The following TAMALIN variants were observed in gnomAD, a reference collection of about 807,000 sequenced individuals.
TAMALIN encodes the protein trafficking regulator and scaffold protein tamalin, also known as protein TAMALIN.
A neutral mutation model predicts 38.5 loss-of-function variants in TAMALIN; 9 were observed. The observed-to-expected ratio is 0.23, with a 90% CI of 0.14 to 0.41. The LOEUF (loss-of-function observed/expected upper bound fraction) is 0.41. Among genes scored for constraint, TAMALIN ranks in the 10% least tolerant of loss-of-function variants. The pLI, the probability that TAMALIN is intolerant of heterozygous loss-of-function variation, is 1.00. For synonymous variants in TAMALIN, 306 were observed against 256.5 expected (o/e 1.19, Z -1.85); for missense variants, 548 against 554.1 (o/e 0.99, Z 0.11).
At chr12:52,013,385 C>T (rs973820363) in intron 4 of TAMALIN, 2 of 339,712 alleles carry the variant, frequency 5.9e-6, no homozygotes, top group African/African-American at 4.1e-5. Flanking sequence ...CCGGACAGAA[C>T]TTCTTGAGGG....
At chr12:52,010,482 G>T in intron 2 of TAMALIN, 1 of 1,029,598 alleles carries the variant, frequency 9.7e-7, no homozygotes. Context: ...TGGCCTCTGG[G>T]GGTGGGGCCA....
chr12:52,013,917 C>T lies in TAMALIN; in HGVS notation c.589C>T (p.Leu197=). The T allele has an allele frequency of 6.2e-7, 1 of 1,614,170 alleles. No individual in the cohort carries two copies. The highest frequency in any genetic ancestry group is 8.5e-7 in the Non-Finnish European group (1 of 1,180,024). The change falls in exon 6 of 8, where the codon CTG becomes TTG. Residue 197 remains leucine, a synonymous_variant. Transcript: ENST00000293662. ...LYGTSIRKAE[L]EARLQYLKQT... is the part of the protein sequence containing the mutation. ...TGGGACATCAATTCGGAAGGCAGAACTGGAGGCTCGTCTGCAGTACCTGAA... is the reference window on the plus strand; with the variant it reads ...TGGGACATCAATTCGGAAGGCAGAATTGGAGGCTCGTCTGCAGTACCTGAA...
intron 1 of TAMALIN, chr12:52,008,817 G>A (rs1942454502): frequency 1.1e-6 from 1 of 945,262 alleles, no homozygotes; most frequent in Admixed American, 6.2e-5. Context: ...CCCTGCCTCA[G>A]CTTTGGGAGT....
At chr12:52,010,200 C>G (rs1387433662) in intron 2 of TAMALIN, among the ~76,000 whole-genome samples, 1 of 152,210 alleles carries the variant, frequency 6.6e-6, no homozygotes, top group African/African-American at 2.4e-5. Flanking sequence ...CAGGGCCTTT[C>G]CGAGGCTGAG....
rs1592274090 is a variant in TAMALIN, at chr12:52,014,164, C to T, written c.645C>T (p.Tyr215=). 6.2e-7 allele frequency: 1 copy of T among 1,604,518 alleles called. No homozygotes were observed. The highest frequency in any genetic ancestry group is 8.5e-7 in the Non-Finnish European group (1 of 1,175,332). Residue 215 remains tyrosine, a synonymous_variant, in exon 7 of 8, where the codon TAC becomes TAT. Coordinates refer to ENST00000293662, the MANE Select transcript of TAMALIN (RefSeq NM_181711.4). Reference sequence around the variant, plus strand: ...CCCTGTATGAGAAGTGGGGAGAGTACAGGTCCCTAATGGTGCAGGAGCAGC... The same window carrying T: ...CCCTGTATGAGAAGTGGGGAGAGTATAGGTCCCTAATGGTGCAGGAGCAGC... ...KQTLYEKWGE[Y]RSLMVQEQRL... is the part of the protein sequence containing the mutation.
Position 52,015,211 on chromosome 12 carries a change from G to A in TAMALIN, c.*12G>A. 1.3e-6 allele frequency: 2 copies of A among 1,577,320 alleles called. No homozygotes were observed. The highest frequency in any genetic ancestry group is 1.1e-5 in the South Asian group (1 of 89,434). On this transcript the variant is annotated 3_prime_UTR_variant, in exon 8 of 8. Coordinates refer to ENST00000293662, the MANE Select transcript of TAMALIN (RefSeq NM_181711.4). ...AGAGCCAGCTGTAGGGGCGGGGGCGGGCAGGGAGGTATTTATTTATTTATT... is the reference window on the plus strand; with the variant it reads ...AGAGCCAGCTGTAGGGGCGGGGGCGAGCAGGGAGGTATTTATTTATTTATT...
intron 1 of TAMALIN, chr12:52,008,272 G>GT: frequency 1.0e-6 from 1 of 985,356 alleles, no homozygotes; most frequent in Non-Finnish European, 1.2e-6. Context: ...GCCCTGGGCT[G>GT]TGCAGGCTCC....
Position 52,015,289 on chromosome 12 carries a change from G to A in TAMALIN, c.*90G>A, listed in dbSNP as rs1211189725. 4.3e-6 allele frequency: 6 copies of A among 1,400,770 alleles called. No homozygotes were observed. The highest frequency in any genetic ancestry group is 5.6e-6 in the Non-Finnish European group (6 of 1,069,312). The allele number at this position is 1,400,770 out of a possible 1,614,324, so 86.8% of individuals were successfully genotyped here. A position where few individuals can be genotyped will look rare whatever the true frequency, so the allele number is the denominator to read the frequency against. On this transcript the variant is annotated 3_prime_UTR_variant, in exon 8 of 8. Coordinates refer to ENST00000293662, the MANE Select transcript of TAMALIN (RefSeq NM_181711.4). ...AGGCCGAGCCAAGAGGACCCCAGGA[G>A]CCCAGAGCAGCGGGAGAGGGTCCTT...
rs1016896726 is a variant in TAMALIN, at chr12:52,015,028, T to TGGCGGGGGCGGA, written c.1028_1039dup (p.Gly343_Gly346dup). 14 of 1,293,758 alleles carry TGGCGGGGGCGGA rather than the reference T, an allele frequency of 1.1e-5. No individual in the cohort carries two copies. The highest frequency in any genetic ancestry group is 3.2e-5 in the African/African-American group (2 of 61,938). The allele number at this position is 1,293,758 out of a possible 1,614,324, so 80.1% of individuals were successfully genotyped here. On this transcript the variant is annotated inframe_insertion, in exon 8 of 8. Coordinates refer to ENST00000293662, the MANE Select transcript of TAMALIN (RefSeq NM_181711.4). The stretch of plus-strand genomic sequence containing the variant: ...GCGCCAGTGTGCGGTGCGCGGGCCC[T>TGGCGGGGGCGGA]GGCGGGGGCGGAGGCGGGGGCGCGC...
intron 2 of TAMALIN, among the ~76,000 whole-genome samples, chr12:52,010,150 G>A (rs1478186248): frequency 6.6e-6 from 1 of 152,206 alleles, no homozygotes; most frequent in African/African-American, 2.4e-5. Flanking sequence ...GCATTTGGGG[G>A]AATCTCTGGG....
chr12:52,013,558 T>G (rs1292770346), intron 4 of TAMALIN, 129 bp from the exon 5 acceptor site: 1 of 700,956 alleles, frequency 1.4e-6, no homozygotes, highest in Non-Finnish European at 2.6e-6. Flanking sequence ...CCATGAGGAG[T>G]TGGAGGAGGG....
chr12:52,012,932 C>A (rs547056843), intron 4 of TAMALIN, among the ~76,000 whole-genome samples: 2 of 152,324 alleles, frequency 1.3e-5, no homozygotes, highest in East Asian at 3.9e-4. Context: ...ATGCCTGGGG[C>A]CAGGGTCGGT....
Position 52,007,391 on chromosome 12 carries a change from G to A in TAMALIN, c.246+126G>A. 1 of 1,269,374 alleles carries A rather than the reference G, an allele frequency of 7.9e-7. No homozygotes were observed. The highest frequency in any genetic ancestry group is 9.9e-7 in the Non-Finnish European group (1 of 1,008,540). The allele number at this position is 1,269,374 out of a possible 1,614,324, so 78.6% of individuals were successfully genotyped here. A position where few individuals can be genotyped will look rare whatever the true frequency, so the allele number is the denominator to read the frequency against. The stretch of plus-strand genomic sequence containing the variant: ...CCCCACCTTCTTCCCCGGCCCGCTG[G>A]GTGCCTCGACTCCCCGCGTTCCCCG... On this transcript the variant is annotated intron_variant, in intron 1 of 7. Transcript: ENST00000293662. The surrounding 1 kb of genome is among the most constrained non-coding windows in gnomAD (Gnocchi z 6.7).
rs1354822243 is a variant in TAMALIN at position 52,007,090 on chromosome 12, G to A, written c.71G>A (p.Arg24Gln). Residue 24 changes from arginine (R) to glutamine (Q), a missense_variant, in exon 1 of 8, where the codon CGG becomes CAG. By Grantham distance (43) the Arg-to-Gln change is conservative. This residue lies in a region of TAMALIN where 128 missense variants were observed against 117.9 expected (regional missense o/e 1.09). Transcript: ENST00000293662. This position sits in a 1 kb window ranked among gnomAD's most constrained non-coding sequence, Gnocchi z 6.7. ...GCGGCCACCCCGGACCCCGCCGCCC[G>A]GACTCCCGACTCGGAAGTCGCGCCC... Reference protein sequence around the residue: ...EAAATPDPAARTPDSEVAPAA... With the variant: ...EAAATPDPAAQTPDSEVAPAA... 1 of 1,479,140 alleles carries A rather than the reference G, an allele frequency of 6.8e-7. No homozygotes were observed. 91.6% of individuals were successfully genotyped at this position (1,479,140 alleles called of 1,614,324 possible).
chr12:52,014,681 C>G lies in TAMALIN; in HGVS notation c.683-13C>G. On this transcript the variant is annotated splice_polypyrimidine_tract_variant and intron_variant, in intron 7 of 7. Transcript: ENST00000293662. Reference sequence around the variant, plus strand: ...GGCCTGACCCGCCCCCTACCTCTCCCGTCTCTGCGCAGGCCTGGTGGTGAA... The same window carrying G: ...GGCCTGACCCGCCCCCTACCTCTCCGGTCTCTGCGCAGGCCTGGTGGTGAA... 1 of 1,473,510 alleles carries G rather than the reference C, an allele frequency of 6.8e-7. No homozygotes were observed. The highest frequency in any genetic ancestry group is 8.9e-7 in the Non-Finnish European group (1 of 1,125,098). 91.3% of individuals were successfully genotyped at this position (1,473,510 alleles called of 1,614,324 possible). A position where few individuals can be genotyped will look rare whatever the true frequency, so the allele number is the denominator to read the frequency against.
chr12:52,008,818 C>T (rs892253837), intron 1 of TAMALIN: 7 of 936,148 alleles, frequency 7.5e-6, no homozygotes, highest in Non-Finnish European at 8.9e-6. Flanking sequence ...CCTGCCTCAG[C>T]TTTGGGAGTC....
Position 52,011,340 on chromosome 12 carries a change from T to G in TAMALIN, c.454+199T>G. ...TACTGTGTGATCTTGCACAGCCCCA[T>G]CTACAAAATGAGGGTAATAATGCAT... On this transcript the variant is annotated intron_variant, in intron 4 of 7. Transcript: ENST00000293662. The surrounding 1 kb of genome is among the most constrained non-coding windows in gnomAD (Gnocchi z 5.3). 1 of 818,614 alleles carries G rather than the reference T, an allele frequency of 1.2e-6. No homozygotes were observed. Among genetic ancestry groups the G allele is most frequent in the Non-Finnish European group, 1.9e-6 (1 of 514,992 alleles). 50.7% of individuals were successfully genotyped at this position (818,614 alleles called of 1,614,324 possible).
chr12:52,007,172 AGCGGACGAGCTGTACGCGGCGCTG>A lies in TAMALIN; in HGVS notation c.155_178del (p.Ala52_Leu59del). ...CCGCAGCCGCCACCCCTGGGCCCCCAGCGGACGAGCTGTACGCGGCGCTGGAGGACTATCACCCTGCCGAGCTGT... is the reference window on the plus strand; with the variant it reads ...CCGCAGCCGCCACCCCTGGGCCCCCAGAGGACTATCACCCTGCCGAGCTGT... On this transcript the variant is annotated inframe_deletion, in exon 1 of 8. Transcript: ENST00000293662. The surrounding 1 kb of genome is among the most constrained non-coding windows in gnomAD (Gnocchi z 6.7). 1 of 1,500,070 alleles carries A rather than the reference AGCGGACGAGCTGTACGCGGCGCTG, an allele frequency of 6.7e-7. No individual in the cohort carries two copies. Among genetic ancestry groups the A allele is most frequent in the Admixed American group, 2.3e-5 (1 of 43,972 alleles). 92.9% of individuals were successfully genotyped at this position (1,500,070 alleles called of 1,614,324 possible).
chr12:52,008,446 G>T, intron 1 of TAMALIN: 6 of 975,998 alleles, frequency 6.1e-6, no homozygotes, highest in Non-Finnish European at 7.2e-6. Flanking sequence ...TCCCAGTCTC[G>T]GTCCTTTAGT....
Sources: gnomAD v4.1 joint callset for allele counts (sites outside exome capture counted in the v4.1 genomes callset) on GRCh38, gnomAD v4.1.1 for gene constraint, gnomAD v4.1.1 regional missense constraint, Gnocchi (gnomAD v3.1) non-coding constraint, MANE v1.5 for transcripts, NCBI Gene and HGNC (gene_info 2026-07-23, HGNC 2026-07-21) for gene names.